The following UVRAG variants were observed in gnomAD, a reference collection of about 807,000 sequenced individuals.
The protein encoded by UVRAG is UV radiation resistance-associated gene protein.
In UVRAG, 19 loss-of-function variants were observed where a neutral mutation model predicts 78.0. That is an observed-to-expected ratio of 0.24 (90% confidence interval 0.17 to 0.36). The LOEUF is 0.36. Ranked by LOEUF, UVRAG falls within the 10% of genes least tolerant of loss-of-function variation. The pLI, the probability that UVRAG is intolerant of heterozygous loss-of-function variation, is 1.00. For missense variants in UVRAG, 740 were observed against 853.8 expected (o/e 0.87, Z 1.66); for synonymous variants, 323 against 324.6 (o/e 1.00, Z 0.05).
At chr11:75,884,392 G>C (rs550750370) in intron 4 of UVRAG, among the ~76,000 whole-genome samples, 1 of 152,096 alleles carries the variant, frequency 6.6e-6, no homozygotes, top group East Asian at 1.9e-4. Context: ...GCCAGTTTGT[G>C]GCTTGTCTTT....
At chr11:75,961,079 G>A (rs1948900483) in intron 6 of UVRAG, among the ~76,000 whole-genome samples, 1 of 151,790 alleles carries the variant, frequency 6.6e-6, no homozygotes, top group African/African-American at 2.4e-5. Flanking sequence ...TTTGAGAGTG[G>A]TGATACTCTC....
chr11:76,137,089 C>G (rs1023517295), intron 14 of UVRAG: 40 of 208,080 alleles, frequency 1.9e-4, no homozygotes, highest in African/African-American at 8.5e-4. Flanking sequence ...ACAGCTAAAA[C>G]TAATGTTACC....
At chr11:75,962,261 T>A (rs1293023526) in intron 7 of UVRAG, among the ~76,000 whole-genome samples, 1 of 152,164 alleles carries the variant, frequency 6.6e-6, no homozygotes, top group Non-Finnish European at 1.5e-5. Flanking sequence ...ATTTAAATAT[T>A]TGTTCGTGTG....
intron 3 of UVRAG, among the ~76,000 whole-genome samples, chr11:75,866,915 T>G (rs1019952035): frequency 2.0e-5 from 3 of 152,222 alleles, no homozygotes; most frequent in African/African-American, 7.2e-5. Flanking sequence ...TGAGTTGTGA[T>G]TCAATTTTAC....
intron 7 of UVRAG, among the ~76,000 whole-genome samples, chr11:75,977,945 A>G (rs1436588151): frequency 6.6e-6 from 1 of 152,070 alleles, no homozygotes; most frequent in African/African-American, 2.4e-5. Context: ...TCGTTAGTTG[A>G]TGCAGTTTCT....
intron 1 of UVRAG, among the ~76,000 whole-genome samples, chr11:75,849,287 C>T (rs1341117401): frequency 6.6e-6 from 1 of 151,876 alleles, no homozygotes; most frequent in Non-Finnish European, 1.5e-5. Flanking sequence ...GGGCGGATCA[C>T]GAGGTCAGAA....
chr11:75,976,776 T>C (rs894721746), intron 7 of UVRAG, among the ~76,000 whole-genome samples: 94 of 152,310 alleles, frequency 6.2e-4, no homozygotes, highest in Middle Eastern at 6.8e-3. Context: ...TTATTAGTCT[T>C]GCTAGCGGTC....
chr11:76,006,165 C>T lies in UVRAG; in HGVS notation c.912-1369C>T, dbSNP rs143249532. On this transcript the variant is annotated intron_variant, in intron 9 of 14. Coordinates refer to ENST00000356136, the MANE Select transcript of UVRAG (RefSeq NM_003369.4). ...GGGGCTCATAATGAATAGCAAAAGACACTCTTATCGCTCAGGAAATTCCAA... is the reference window on the plus strand; with the variant it reads ...GGGGCTCATAATGAATAGCAAAAGATACTCTTATCGCTCAGGAAATTCCAA... 1.7e-3 allele frequency among the ~76,000 whole-genome samples: 257 copies of T among 152,244 alleles called. 2 individuals carry two copies. The highest frequency in any genetic ancestry group is 6.0e-3 in the African/African-American group (248 of 41,542).
chr11:75,859,020 T>C (rs1185069081), intron 2 of UVRAG, among the ~76,000 whole-genome samples: 1 of 152,228 alleles, frequency 6.6e-6, no homozygotes, highest in Non-Finnish European at 1.5e-5. Flanking sequence ...CATGGCTACA[T>C]AGAGAAATAT....
intron 12 of UVRAG, among the ~76,000 whole-genome samples, chr11:76,040,534 T>C (rs559017356): frequency 6.8e-6 from 1 of 146,174 alleles, no homozygotes; most frequent in South Asian, 2.1e-4. Flanking sequence ...TTTTGGTTTT[T>C]TGTTTGTTTG....
In UVRAG at chr11:75,883,366, G is replaced by GACC. The variant is rs796973314; in HGVS notation, c.432+3327_432+3328insCCA. ...AAGTCAGTTATGCTGGAGTAACAGA[G>GACC]AACAAAAAAAAAAAAAGAAAAGAAA... On this transcript the variant is annotated intron_variant, in intron 4 of 14. Coordinates refer to ENST00000356136, the MANE Select transcript of UVRAG (RefSeq NM_003369.4). Among the ~76,000 whole-genome samples, 230 of 30,796 alleles carry GACC rather than the reference G, an allele frequency of 7.5e-3. 1 individual carries two copies. Among genetic ancestry groups the GACC allele is most frequent in the African/African-American group, 0.03 (209 of 6,954 alleles). 20.2% of individuals were successfully genotyped at this position (30,796 alleles called of 152,430 possible).
In UVRAG at chr11:76,053,344, A is replaced by ACACACACACACACACACACAC. The variant is rs60133924; in HGVS notation, c.1227-12366_1227-12365insCACACACACACACACACACAC. Among the ~76,000 whole-genome samples, 1,095 of 142,212 alleles carry ACACACACACACACACACACAC rather than the reference A, an allele frequency of 7.7e-3. 21 individuals carry two copies. The highest frequency in any genetic ancestry group is 0.027 in the African/African-American group (973 of 36,710). The allele number at this position is 142,212 out of a possible 152,430, so 93.3% of individuals were successfully genotyped here. ...ACACACACACACACACACACACACA[A>ACACACACACACACACACACAC]AAATAAATATGCACCTGCTCCTTCT... On this transcript the variant is annotated intron_variant, in intron 12 of 14. Coordinates refer to ENST00000356136, the MANE Select transcript of UVRAG (RefSeq NM_003369.4).
At chr11:76,049,238 A>G (rs1192160644) in intron 12 of UVRAG, among the ~76,000 whole-genome samples, 2 of 152,234 alleles carry the variant, frequency 1.3e-5, no homozygotes, top group East Asian at 1.9e-4. Flanking sequence ...GACCCTGAGC[A>G]TGACAGTGGA....
In UVRAG at chr11:75,860,614, T is replaced by C. The variant is rs1946396998; in HGVS notation, c.236-1132T>C. On this transcript the variant is annotated intron_variant, in intron 2 of 14. Transcript: ENST00000356136. The stretch of plus-strand genomic sequence containing the variant: ...TATTGTCAGTTAATGGTTGGAATAA[T>C]TGGTTAACCATTTGAGGATAAAATG... 3.3e-5 allele frequency among the ~76,000 whole-genome samples: 5 copies of C among 152,184 alleles called. No homozygotes were observed. In the South Asian group the frequency reaches 1.0e-3, roughly 31 times the overall value.
intron 12 of UVRAG, among the ~76,000 whole-genome samples, chr11:76,052,996 G>A (rs1357304295): frequency 6.7e-6 from 1 of 148,744 alleles, no homozygotes. Context: ...GTTTATAAGT[G>A]TATTATATTT....
chr11:76,043,231 A>AT (rs1157164847), intron 12 of UVRAG, among the ~76,000 whole-genome samples: 1 of 151,990 alleles, frequency 6.6e-6, no homozygotes, highest in Non-Finnish European at 1.5e-5. Flanking sequence ...CTGTTCTTTA[A>AT]TTTTTTTTAA....
At chr11:76,117,313 G>C (rs1050221563) in intron 14 of UVRAG, among the ~76,000 whole-genome samples, 1 of 152,178 alleles carries the variant, frequency 6.6e-6, no homozygotes, top group African/African-American at 2.4e-5. Context: ...ATCTTGCTCA[G>C]TACAGATAGC....
At chr11:75,966,414 GTTCT>G (rs1949024449) in intron 7 of UVRAG, among the ~76,000 whole-genome samples, 1 of 152,160 alleles carries the variant, frequency 6.6e-6, no homozygotes, top group Non-Finnish European at 1.5e-5. Context: ...GTTGGGCAGT[GTTCT>G]TTTTTTCCTA....
chr11:75,889,254 C>G (rs1056788132), intron 5 of UVRAG, among the ~76,000 whole-genome samples: 4 of 152,118 alleles, frequency 2.6e-5, no homozygotes, highest in African/African-American at 7.2e-5. Context: ...TTATAACTTT[C>G]AATACATTTA....
Sources: gnomAD v4.1 joint callset for allele counts (sites outside exome capture counted in the v4.1 genomes callset) on GRCh38, gnomAD v4.1.1 for gene constraint, MANE v1.5 for transcripts, NCBI Gene and HGNC (gene_info 2026-07-23, HGNC 2026-07-21) for gene names.